The following TYRO3 variants were observed in gnomAD, a reference collection of about 807,000 sequenced individuals.
TYRO3 encodes TYRO3 protein tyrosine kinase.
Under a neutral mutation model 95.2 loss-of-function variants are expected in TYRO3, and 38 were observed. That is an observed-to-expected ratio of 0.40 (90% CI 0.31 to 0.52). The LOEUF is 0.52. TYRO3 is among the 20% of genes least tolerant of loss of function. The pLI is 0.56. For missense variants in TYRO3, 812 were observed against 1,116.4 expected (o/e 0.73, Z 3.89); for synonymous variants, 367 against 432.9 (o/e 0.85, Z 1.89).
At position 41,561,137 on chromosome 15, in the gene TYRO3, C is replaced by G. The variant is rs781119325; in HGVS notation, c.135C>G (p.Leu45=). The stretch of plus-strand genomic sequence containing the variant: ...CTTCCCACCCCTCAGGTCTGAAGCT[C>G]ATGGGAGCCCCGGTGAAGCTGACAG... ...LPESAAAGLK[L]MGAPVKLTVS... is the part of the protein sequence containing the mutation. The change falls in exon 2 of 19, where the codon CTC becomes CTG. Residue 45 remains leucine, a synonymous_variant. Transcript: ENST00000263798. The G allele has an allele frequency of 1.2e-6, 2 of 1,614,166 alleles. No individual in the cohort carries two copies. The highest frequency in any genetic ancestry group is 1.7e-5 in the Admixed American group (1 of 60,028).
rs1595507171 is a variant in TYRO3 at position 41,577,789 on chromosome 15, G to A, written c.2283-97G>A. On this transcript the variant is annotated intron_variant, in intron 18 of 18. Transcript: ENST00000263798. Reference sequence around the variant, plus strand: ...ATGCGAGCCGCTGTGCCCCACCAGGGAATAAAATTTTTTAAAACCCTAGTG... The same window carrying A: ...ATGCGAGCCGCTGTGCCCCACCAGGAAATAAAATTTTTTAAAACCCTAGTG... 9 of 1,308,726 alleles carry A rather than the reference G, an allele frequency of 6.9e-6. No homozygotes were observed. The East Asian group carries it at 1.2e-4, about 17-fold the overall frequency. The allele number at this position is 1,308,726 out of a possible 1,614,324, so 81.1% of individuals were successfully genotyped here.
rs1273567519 is a variant in TYRO3, at chr15:41,578,094, G to C, written c.2491G>C (p.Ala831Pro). The C allele has an allele frequency of 6.2e-7, 1 of 1,614,042 alleles. No individual in the cohort carries two copies. Among genetic ancestry groups the C allele is most frequent in the Non-Finnish European group, 8.5e-7 (1 of 1,180,018 alleles). The change falls in exon 19 of 19, where the codon GCT (alanine) becomes CCT (proline). Residue 831 changes from alanine to proline, a missense_variant. Ala to Pro is a conservative substitution (Grantham distance 27). Coordinates refer to ENST00000263798, the MANE Select transcript of TYRO3 (RefSeq NM_006293.4). ...LPGRDQPYSG[A>P]GDGSGMGAVG... ...TGGCAGGGATCAGCCCTACAGTGGGGCTGGGGATGGCAGTGGCATGGGGGC... is the reference window on the plus strand; with the variant it reads ...TGGCAGGGATCAGCCCTACAGTGGGCCTGGGGATGGCAGTGGCATGGGGGC...
intron 18 of TYRO3, chr15:41,574,540 G>A: frequency 4.8e-6 from 2 of 418,618 alleles, no homozygotes; most frequent in South Asian, 3.4e-5. Context: ...TAAGTAACAT[G>A]GCCAACGTCA....
chr15:41,568,431 G>T, intron 8 of TYRO3, 69 bp downstream of exon 8: 1 of 1,492,722 alleles, frequency 6.7e-7, no homozygotes, highest in East Asian at 2.3e-5. Flanking sequence ...AGGCCTTTAA[G>T]AATTTCAAAA....
In TYRO3 at chr15:41,564,829, G is replaced by A. The variant is rs2055701637; in HGVS notation, c.668-197G>A. On this transcript the variant is annotated intron_variant, in intron 5 of 18. Coordinates refer to ENST00000263798, the MANE Select transcript of TYRO3 (RefSeq NM_006293.4). ...GAGGCAACCTCTCTCCACAGCCCAG[G>A]CACTCTCCCAGGTGTGAGCAGCTGT... is the stretch of plus-strand genomic sequence containing the variant. 1.7e-5 allele frequency: 10 copies of A among 573,992 alleles called. No homozygotes were observed. The South Asian group carries it at 1.7e-4, about 10-fold the overall frequency. The allele number at this position is 573,992 out of a possible 1,614,324, so 35.6% of individuals were successfully genotyped here. A position where few individuals can be genotyped will look rare whatever the true frequency, so the allele number is the denominator to read the frequency against.
intron 6 of TYRO3, among the ~76,000 whole-genome samples, chr15:41,566,468 A>G (rs976934585): frequency 6.6e-6 from 1 of 152,028 alleles, no homozygotes; most frequent in Non-Finnish European, 1.5e-5. Flanking sequence ...ACACTATACT[A>G]TAGCTATTCA....
chr15:41,566,529 C>T (rs1419054102), intron 6 of TYRO3, among the ~76,000 whole-genome samples: 1 of 152,118 alleles, frequency 6.6e-6, no homozygotes, highest in Non-Finnish European at 1.5e-5. Flanking sequence ...CTGTGTGGGC[C>T]TTTTCCCTGT....
intron 8 of TYRO3, among the ~76,000 whole-genome samples, 178 bp downstream of exon 8, chr15:41,568,540 T>A (rs982449258): frequency 4.6e-5 from 7 of 152,140 alleles, no homozygotes; most frequent in Non-Finnish European, 4.4e-5. Context: ...TTATGTCTCC[T>A]GTTAGGGTTG....
In TYRO3 at chr15:41,578,739, C is replaced by T. The variant is rs1210927271; in HGVS notation, c.*463C>T. ...AATATCCAGGTGTGCCCCTCCAAGT[C>T]ACAAAGAGATGTCCTTGTAATATTC... On this transcript the variant is annotated 3_prime_UTR_variant, in exon 19 of 19. Transcript: ENST00000263798. The T allele has an allele frequency of 1.0e-5, 2 of 190,666 alleles. No individual in the cohort carries two copies. Among genetic ancestry groups the T allele is most frequent in the African/African-American group, 4.7e-5 (2 of 42,294 alleles). The allele number at this position is 190,666 out of a possible 1,614,324, so 11.8% of individuals were successfully genotyped here. A position where few individuals can be genotyped will look rare whatever the true frequency, so the allele number is the denominator to read the frequency against.
chr15:41,569,066 G>C (rs1409903585), intron 9 of TYRO3, 44 bp downstream of exon 9: 3 of 1,607,600 alleles, frequency 1.9e-6, no homozygotes, highest in African/African-American at 2.7e-5. Flanking sequence ...AGGGGATCAA[G>C]GTTTTCAAGG....
Position 41,561,582 on chromosome 15 carries a change from C to G in TYRO3, c.352C>G (p.Gln118Glu). 6.3e-7 allele frequency: 1 copy of G among 1,595,378 alleles called. No individual in the cohort carries two copies. The highest frequency in any genetic ancestry group is 8.5e-7 in the Non-Finnish European group (1 of 1,172,546). ...ERSDAGRYWC[Q>E]VEDGGETEIS... ...CTCTGACGCCGGCCGGTACTGGTGC[C>G]AGGTGGAGGATGGGGGTGAAACCGA... Residue 118 changes from glutamine (Q) to glutamate (E), a missense_variant, in exon 3 of 19, where the codon CAG becomes GAG. By Grantham distance (29) the Gln-to-Glu change is conservative. Coordinates refer to ENST00000263798, the MANE Select transcript of TYRO3 (RefSeq NM_006293.4).
At chr15:41,566,025 T>C (rs982459505) in intron 6 of TYRO3, among the ~76,000 whole-genome samples, 1 of 152,140 alleles carries the variant, frequency 6.6e-6, no homozygotes, top group Non-Finnish European at 1.5e-5. Flanking sequence ...TAGAGAACCC[T>C]ACTGAGGTTG....
chr15:41,573,794 C>CTCCG lies in TYRO3; in HGVS notation c.2262_2265dup (p.Glu756SerfsTer9). 6.2e-7 allele frequency: 1 copy of CTCCG among 1,614,244 alleles called. No homozygotes were observed. On this transcript the variant is annotated frameshift_variant, in exon 18 of 19. Transcript: ENST00000263798. LOFTEE classifies it high-confidence loss of function. ...ATTGGCGGGAACCGCCTGAAACAGC[C>CTCCG]TCCGGAGTGTATGGAGGACGTGTGA...
At position 41,559,216 on chromosome 15, in the gene TYRO3, T is replaced by C. The variant is rs148149251; in HGVS notation, c.-42T>C. On this transcript the variant is annotated 5_prime_UTR_variant, in exon 1 of 19. Coordinates refer to ENST00000263798, the MANE Select transcript of TYRO3 (RefSeq NM_006293.4). ...GCCTCCTCCCCGCCCTCCTCCCTCC[T>C]CGCTCGCGGGCCGGGCCCGGCATGG... 1 of 288,616 alleles carries C rather than the reference T, an allele frequency of 3.5e-6. No homozygotes were observed. Among genetic ancestry groups the C allele is most frequent in the Non-Finnish European group, 6.1e-6 (1 of 163,272 alleles). 17.9% of individuals were successfully genotyped at this position (288,616 alleles called of 1,614,324 possible).
chr15:41,560,697 C>A (rs1445705870), intron 1 of TYRO3, among the ~76,000 whole-genome samples: 1 of 150,750 alleles, frequency 6.6e-6, no homozygotes, highest in Non-Finnish European at 1.5e-5. Context: ...CAGCCCTGCT[C>A]CATTTGGTAA....
rs776454623 is a variant in TYRO3 at position 41,573,464 on chromosome 15, C to T, written c.2142C>T (p.Asp714=). ...LADNLYTVQS[D]VWAFGVTMWE... The stretch of plus-strand genomic sequence containing the variant: ...ACAACCTGTATACTGTGCAGAGTGA[C>T]GTGGTGAGCAGGGTGGCCCGTGAAG... The change falls in exon 17 of 19, where the codon GAC becomes GAT. Residue 714 remains aspartate (D), a synonymous_variant. Transcript: ENST00000263798. The T allele has an allele frequency of 1.5e-5, 24 of 1,614,162 alleles. No homozygotes were observed. The highest frequency in any genetic ancestry group is 6.7e-5 in the African/African-American group (5 of 75,044).
chr15:41,581,805 G>A lies in TYRO3; in HGVS notation c.*3529G>A, dbSNP rs2055925547. The A allele has an allele frequency of 7.3e-6, 1 of 137,114 alleles. No homozygotes were observed. The highest frequency in any genetic ancestry group is 8.1e-5 in the Admixed American group (1 of 12,336). The allele number at this position is 137,114 out of a possible 1,614,324, so 8.5% of individuals were successfully genotyped here. ...ATGGCACCAGTGCACTCCAGCCTGG[G>A]TGACAGAGCGAGACTCCATCTCAAA... On this transcript the variant is annotated 3_prime_UTR_variant, in exon 19 of 19. Transcript: ENST00000263798.
At chr15:41,565,581 A>G (rs1438647158) in intron 6 of TYRO3, among the ~76,000 whole-genome samples, 1 of 108,188 alleles carries the variant, frequency 9.2e-6, no homozygotes, top group African/African-American at 4.3e-5. Flanking sequence ...CGCCCAGCTA[A>G]CTTTTTTTTT....
rs768874144 is a variant in TYRO3, at chr15:41,573,786, G to A, written c.2253G>A (p.Leu751=). The change falls in exon 18 of 19, where the codon CTG becomes CTA. Residue 751 remains leucine, a synonymous_variant. Coordinates refer to ENST00000263798, the MANE Select transcript of TYRO3 (RefSeq NM_006293.4). ...ACTACCTCATTGGCGGGAACCGCCT[G>A]AAACAGCCTCCGGAGTGTATGGAGG... ...IYNYLIGGNR[L]KQPPECMEDV... 19 of 1,614,146 alleles carry A rather than the reference G, an allele frequency of 1.2e-5. No individual in the cohort carries two copies. The highest frequency in any genetic ancestry group is 3.3e-4 in the Middle Eastern group (2 of 6,084).
Sources: allele counts gnomAD v4.1 joint callset (sites outside exome capture counted in the v4.1 genomes callset), GRCh38; gene constraint gnomAD v4.1.1; transcripts MANE v1.5; gene names NCBI Gene and HGNC (gene_info 2026-07-23, HGNC 2026-07-21).